The following CCNB2 variants were observed in gnomAD, a reference collection of about 807,000 sequenced individuals.
CCNB2 encodes cyclin B2, also known as G2/mitotic-specific cyclin-B2.
CCNB2 carries 39 observed loss-of-function variants against 51.1 expected under a neutral mutation model. That is an observed-to-expected ratio of 0.76 (90% CI 0.59 to 1.00). CCNB2 has a LOEUF of 1.00. Ranked by LOEUF, CCNB2 falls within the 50% of genes least tolerant of loss-of-function variation. CCNB2 has a pLI of 0.00. For missense variants in CCNB2, 472 were observed against 470.3 expected (o/e 1.00, Z -0.03); for synonymous variants, 174 against 165.5 (o/e 1.05, Z -0.40).
chr15:59,117,027 TA>T, intron 6 of CCNB2, 101 bp downstream of exon 6: 1 of 1,071,950 alleles, frequency 9.3e-7, no homozygotes, highest in South Asian at 1.5e-5. Flanking sequence ...ACGCTTCCTT[TA>T]GGTAAGTCTT....
chr15:59,110,616 A>G (rs1417228270), intron 3 of CCNB2, among the ~76,000 whole-genome samples: 2 of 152,244 alleles, frequency 1.3e-5, no homozygotes, highest in Non-Finnish European at 2.9e-5. Context: ...AAAGGTGATA[A>G]CATAAGCCAT....
intron 3 of CCNB2, 44 bp downstream of exon 3, chr15:59,107,714 G>A (rs1185672792): frequency 2.7e-6 from 4 of 1,478,866 alleles, no homozygotes; most frequent in Non-Finnish European, 3.8e-6. Flanking sequence ...GAGGTAGCCT[G>A]TTTTTAGCCA....
At chr15:59,122,444 C>T (rs1189653127) in intron 7 of CCNB2, among the ~76,000 whole-genome samples, 4 of 151,068 alleles carry the variant, frequency 2.6e-5, no homozygotes, top group Admixed American at 6.6e-5. Context: ...AGGCTGGTCT[C>T]GAACTCCTGA....
rs1212173180 is a variant in CCNB2, at chr15:59,114,531, G to A, written c.355G>A (p.Asp119Asn). The change falls in exon 4 of 9, where the codon GAC becomes AAC. Residue 119 changes from aspartate (D) to asparagine (N), a missense_variant. Coordinates refer to ENST00000288207, the MANE Select transcript of CCNB2 (RefSeq NM_004701.4). ...TGATGCCTTGCTCTGCAAAATCGAG[G>A]ACATTGATAACGAAGATTGGGAGAA... ...FSDALLCKIE[D>N]IDNEDWENPQ... 1 of 1,613,872 alleles carries A rather than the reference G, an allele frequency of 6.2e-7. No homozygotes were observed. The highest frequency in any genetic ancestry group is 8.5e-7 in the Non-Finnish European group (1 of 1,179,890).
intron 7 of CCNB2, 62 bp from the exon 8 acceptor site, chr15:59,123,455 A>C: frequency 1.1e-6 from 1 of 916,458 alleles, no homozygotes; most frequent in Non-Finnish European, 1.8e-6. Flanking sequence ...TGTTCTTCTA[A>C]AGAAGCAGAG....
intron 8 of CCNB2, chr15:59,124,323 AT>A (rs1338277332): frequency 5.7e-6 from 1 of 174,940 alleles, no homozygotes; most frequent in Non-Finnish European, 1.2e-5. Flanking sequence ...TGGAAGTGTA[AT>A]ATGTGTTCAG....
At chr15:59,124,546 C>G (rs1436108923) in intron 8 of CCNB2, 2 of 537,878 alleles carry the variant, frequency 3.7e-6, no homozygotes, top group African/African-American at 3.9e-5. Flanking sequence ...TCATTTGTTC[C>G]TATCACCTGT....
chr15:59,117,376 G>C lies in CCNB2; in HGVS notation c.975+8G>C. 1 of 1,611,242 alleles carries C rather than the reference G, an allele frequency of 6.2e-7. No homozygotes were observed. The highest frequency in any genetic ancestry group is 8.5e-7 in the Non-Finnish European group (1 of 1,177,942). On this transcript the variant is annotated splice_region_variant and intron_variant, in intron 7 of 8. Coordinates refer to ENST00000288207, the MANE Select transcript of CCNB2 (RefSeq NM_004701.4). ...CTAGGACAAGGAAAATGGGTGAGTGGTGGATTTAAGAAGAAACTAATTAGG... is the reference window on the plus strand; with the variant it reads ...CTAGGACAAGGAAAATGGGTGAGTGCTGGATTTAAGAAGAAACTAATTAGG...
At chr15:59,124,016 T>C in intron 8 of CCNB2, 1 of 184,544 alleles carries the variant, frequency 5.4e-6, no homozygotes, top group Non-Finnish European at 1.2e-5. Flanking sequence ...GTGTATTATA[T>C]TGCGTATTCA....
intron 3 of CCNB2, among the ~76,000 whole-genome samples, chr15:59,114,205 G>A (rs2079268876): frequency 1.3e-5 from 2 of 152,204 alleles, no homozygotes; most frequent in South Asian, 4.1e-4. Flanking sequence ...TATAAGGTCT[G>A]TAGGCCATTG....
At position 59,105,164 on chromosome 15, in the gene CCNB2, G is replaced by A. The variant is rs1464035148; in HGVS notation, c.-105G>A. On this transcript the variant is annotated 5_prime_UTR_variant, in exon 1 of 9. Transcript: ENST00000288207. ...CAGCGTCGAAGATCCCCAGCGCTGC[G>A]GGCTCGGAGAGCAGTCCTAACGGCG... The A allele has an allele frequency of 2.8e-6, 3 of 1,053,500 alleles. No individual in the cohort carries two copies. In the African/African-American group the frequency reaches 4.8e-5, roughly 17 times the overall value. The allele number at this position is 1,053,500 out of a possible 1,614,324, so 65.3% of individuals were successfully genotyped here. A position where few individuals can be genotyped will look rare whatever the true frequency, so the allele number is the denominator to read the frequency against.
At chr15:59,111,948 G>C (rs140554757) in intron 3 of CCNB2, among the ~76,000 whole-genome samples, 8 of 151,284 alleles carry the variant, frequency 5.3e-5, no homozygotes, top group African/African-American at 1.7e-4. Context: ...GATCTCCTGG[G>C]CTCAGGTGAT....
At chr15:59,119,983 C>CA (rs202107589) in intron 7 of CCNB2, among the ~76,000 whole-genome samples, 2,208 of 152,274 alleles carry the variant, frequency 0.015, 22 homozygotes, top group Non-Finnish European at 0.022. Context: ...GCTGGGATTA[C>CA]AGACGTGAGC....
chr15:59,125,013 G>C lies in CCNB2; in HGVS notation c.*136G>C. The stretch of plus-strand genomic sequence containing the variant: ...GACCAGTTTTCTAAACATATATTGA[G>C]GAAAAATAAAGCGATTGGTTTTTCT... On this transcript the variant is annotated 3_prime_UTR_variant, in exon 9 of 9. Transcript: ENST00000288207. The C allele has an allele frequency of 2.0e-6, 1 of 498,528 alleles. No individual in the cohort carries two copies. The highest frequency in any genetic ancestry group is 3.5e-6 in the Non-Finnish European group (1 of 282,858). 30.9% of individuals were successfully genotyped at this position (498,528 alleles called of 1,614,324 possible). A position where few individuals can be genotyped will look rare whatever the true frequency, so the allele number is the denominator to read the frequency against.
intron 5 of CCNB2, among the ~76,000 whole-genome samples, chr15:59,115,292 C>T (rs2079274460): frequency 6.6e-6 from 1 of 152,042 alleles, no homozygotes; most frequent in Non-Finnish European, 1.5e-5. Flanking sequence ...GGCTGGAGAA[C>T]CTCCACATTT....
rs367791899 is a variant in CCNB2, at chr15:59,116,887, G to A, written c.795G>A (p.Leu265=). 85 of 1,614,056 alleles carry A rather than the reference G, an allele frequency of 5.3e-5. No individual in the cohort carries two copies. Among genetic ancestry groups the A allele is most frequent in the Non-Finnish European group, 6.5e-5 (77 of 1,180,040 alleles). The change falls in exon 6 of 9, where the codon TTG becomes TTA. Residue 265 remains leucine, a synonymous_variant. Transcript: ENST00000288207. ...TGAAATTTGAGTTGGGTCGACCCTT[G>A]CCACTACACTTCTTAAGGCGAGCAT... is the stretch of plus-strand genomic sequence containing the variant. ...KELKFELGRP[L]PLHFLRRASK... is the part of the protein sequence containing the mutation.
At chr15:59,112,998 C>T (rs1167987152) in intron 3 of CCNB2, among the ~76,000 whole-genome samples, 1 of 151,464 alleles carries the variant, frequency 6.6e-6, no homozygotes, top group South Asian at 2.1e-4. Flanking sequence ...CGTGCCACTG[C>T]ACTCCAGCCT....
At chr15:59,119,460 CAAA>C (rs370628686) in intron 7 of CCNB2, among the ~76,000 whole-genome samples, 3 of 83,932 alleles carry the variant, frequency 3.6e-5, no homozygotes, top group African/African-American at 9.4e-5. Flanking sequence ...ACCCTGTCTC[CAAA>C]AAAAAAAAAA....
intron 3 of CCNB2, among the ~76,000 whole-genome samples, chr15:59,109,665 A>C (rs2140286094): frequency 6.6e-6 from 1 of 152,346 alleles, no homozygotes; most frequent in Non-Finnish European, 1.5e-5. Context: ...TGTTGGACTT[A>C]AGATTGACTT....
Sources: gnomAD v4.1 joint callset for allele counts (sites outside exome capture counted in the v4.1 genomes callset) on GRCh38, gnomAD v4.1.1 for gene constraint, MANE v1.5 for transcripts, NCBI Gene and HGNC (gene_info 2026-07-23, HGNC 2026-07-21) for gene names.